The following IL1RAPL2 variants were observed in gnomAD, a reference collection of about 807,000 sequenced individuals.
IL1RAPL2 encodes the protein interleukin 1 receptor accessory protein like 2.
In IL1RAPL2, 3 loss-of-function variants were observed where a neutral mutation model predicts 44.1. The observed-to-expected ratio is 0.07, with a 90% confidence interval of 0.03 to 0.18. IL1RAPL2 has a LOEUF of 0.18. Ranked by LOEUF, IL1RAPL2 falls within the 10% of genes least tolerant of loss-of-function variation. The pLI, the probability that IL1RAPL2 is intolerant of heterozygous loss-of-function variation, is 1.00. For synonymous variants in IL1RAPL2, 181 were observed against 178.8 expected, an observed-to-expected ratio of 1.01 and a Z score of -0.10; for missense variants, 391 against 496.4, an observed-to-expected ratio of 0.79 and a Z score of 2.02.
At chrX:105,618,121 T>TCACA (rs746820303) in intron 6 of IL1RAPL2, among the ~76,000 whole-genome samples, 70 of 101,231 alleles carry the variant, frequency 6.9e-4, no homozygotes, top group African/African-American at 2.0e-3. Flanking sequence ...TCTCTCTCAC[T>TCACA]CACACACACA....
chrX:105,016,694 T>C (rs1339613617), intron 2 of IL1RAPL2, among the ~76,000 whole-genome samples: 2 of 111,911 alleles, frequency 1.8e-5, no homozygotes, highest in Non-Finnish European at 3.8e-5. Flanking sequence ...AGCTTTTCGA[T>C]GTGCTGCTGG....
intron 6 of IL1RAPL2, among the ~76,000 whole-genome samples, chrX:105,621,065 A>G (rs1190361699): frequency 9.0e-6 from 1 of 111,197 alleles, no homozygotes; most frequent in Non-Finnish European, 1.9e-5. Flanking sequence ...GATTTATTTG[A>G]TTGGTTCCTA....
chrX:105,051,233 C>T (rs368471240), intron 2 of IL1RAPL2, among the ~76,000 whole-genome samples: 7 of 87,751 alleles, frequency 8.0e-5, no homozygotes, highest in Non-Finnish European at 4.4e-5. Flanking sequence ...TCAGAGCAGG[C>T]GCCAGGAGAA....
intron 2 of IL1RAPL2, among the ~76,000 whole-genome samples, chrX:105,118,093 C>T (rs2032880938): frequency 8.9e-6 from 1 of 112,412 alleles, no homozygotes; most frequent in African/African-American, 3.2e-5. Flanking sequence ...AACAAATATT[C>T]AAAGGGAAAT....
At chrX:104,891,584 T>G (rs1262820285) in intron 2 of IL1RAPL2, among the ~76,000 whole-genome samples, 1 of 111,927 alleles carries the variant, frequency 8.9e-6, no homozygotes, top group Non-Finnish European at 1.9e-5. Flanking sequence ...ACTCATGATT[T>G]GGCTCCTGTT....
chrX:105,496,027 G>GC (rs1468387972), intron 6 of IL1RAPL2, among the ~76,000 whole-genome samples: 1 of 112,045 alleles, frequency 8.9e-6, no homozygotes, highest in Non-Finnish European at 1.9e-5. Flanking sequence ...TCTCTCTGAA[G>GC]CTTGCTTCCT....
intron 1 of IL1RAPL2, among the ~76,000 whole-genome samples, chrX:104,636,800 C>A (rs983712052): frequency 8.9e-6 from 1 of 112,173 alleles, no homozygotes; most frequent in Non-Finnish European, 1.9e-5. Flanking sequence ...CCAGGTGAGG[C>A]GATGCCTCGC....
At chrX:104,636,839 C>T (rs1368138757) in intron 1 of IL1RAPL2, among the ~76,000 whole-genome samples, 1 of 111,867 alleles carries the variant, frequency 8.9e-6, no homozygotes, top group African/African-American at 3.2e-5. Flanking sequence ...CAGTGTGCTG[C>T]ACCCACTGTC....
intron 1 of IL1RAPL2, among the ~76,000 whole-genome samples, chrX:104,599,499 C>T (rs1928830800): frequency 9.0e-6 from 1 of 110,626 alleles, no homozygotes; most frequent in Non-Finnish European, 1.9e-5. Flanking sequence ...CCTCCCACCT[C>T]AGCCTTTCAA....
At chrX:105,307,538 T>C (rs1170993254) in intron 5 of IL1RAPL2, among the ~76,000 whole-genome samples, 1 of 43,330 alleles carries the variant, frequency 2.3e-5, no homozygotes, top group Non-Finnish European at 3.4e-5. Flanking sequence ...ATTATATATA[T>C]TATATATAAT....
intron 5 of IL1RAPL2, among the ~76,000 whole-genome samples, chrX:105,402,465 T>C (rs2035612917): frequency 8.9e-6 from 1 of 111,745 alleles, no homozygotes; most frequent in African/African-American, 3.2e-5. Flanking sequence ...AGCTTTTTAC[T>C]GAACTGATTT....
intron 2 of IL1RAPL2, among the ~76,000 whole-genome samples, chrX:104,981,276 TCTC>T (rs1266939585): frequency 1.8e-5 from 2 of 110,465 alleles, no homozygotes; most frequent in East Asian, 5.6e-4. Context: ...CAATCCTCAC[TCTC>T]CTCCTACCCT....
At chrX:104,602,068 G>A (rs1027341626) in intron 1 of IL1RAPL2, among the ~76,000 whole-genome samples, 10 of 111,844 alleles carry the variant, frequency 8.9e-5, no homozygotes, top group East Asian at 2.9e-4. Context: ...GAACAGCTCC[G>A]GTCTGCAGCT....
At chrX:105,555,039 C>T (rs1170373343) in intron 6 of IL1RAPL2, among the ~76,000 whole-genome samples, 1 of 107,924 alleles carries the variant, frequency 9.3e-6, no homozygotes, top group Non-Finnish European at 1.9e-5. Context: ...TTGTGTAAAG[C>T]TTTGGGGATT....
intron 6 of IL1RAPL2, among the ~76,000 whole-genome samples, chrX:105,588,887 C>A (rs1020416762): frequency 6.3e-5 from 7 of 111,768 alleles, no homozygotes; most frequent in Non-Finnish European, 1.3e-4. Context: ...AATTTATATA[C>A]CTTTGGGTAT....
At chrX:105,169,886 G>A (rs973935027) in intron 2 of IL1RAPL2, among the ~76,000 whole-genome samples, 1 of 105,989 alleles carries the variant, frequency 9.4e-6, no homozygotes, top group Non-Finnish European at 1.9e-5. Flanking sequence ...GGTGGAGTGG[G>A]TGGGGAGGTA....
intron 2 of IL1RAPL2, among the ~76,000 whole-genome samples, chrX:104,865,501 G>A (rs890386733): frequency 9.0e-6 from 1 of 111,391 alleles, no homozygotes; most frequent in Non-Finnish European, 1.9e-5. Context: ...TTGGACTAAA[G>A]GATGCAAAGT....
intron 2 of IL1RAPL2, among the ~76,000 whole-genome samples, chrX:104,712,693 G>A (rs940327158): frequency 4.5e-5 from 5 of 110,302 alleles, no homozygotes; most frequent in Admixed American, 9.7e-5. Flanking sequence ...ATATCCTCTT[G>A]CATCACTAAG....
chrX:104,567,454 G>C (rs944574985), intron 1 of IL1RAPL2, among the ~76,000 whole-genome samples: 8 of 112,646 alleles, frequency 7.1e-5, no homozygotes, highest in African/African-American at 2.3e-4. Flanking sequence ...GCTGGGAAGA[G>C]GCTCAAGGCG....
Sources: allele counts gnomAD v4.1 joint callset (sites outside exome capture counted in the v4.1 genomes callset), GRCh38; gene constraint gnomAD v4.1.1; transcripts MANE v1.5; gene names NCBI Gene and HGNC (gene_info 2026-07-23, HGNC 2026-07-21).